The following DAB1 variants were observed in gnomAD, a reference collection of about 807,000 sequenced individuals.
The protein encoded by DAB1 is DAB adaptor protein 1, also known as disabled homolog 1.
A neutral mutation model predicts 64.6 loss-of-function variants in DAB1; 15 were observed. The observed-to-expected ratio is 0.23, with a 90% CI of 0.16 to 0.36. The LOEUF is 0.36. Ranked by LOEUF, DAB1 falls within the 10% of genes least tolerant of loss-of-function variation. The probability of loss-of-function intolerance (pLI) is 1.00; values close to 1 mark genes in which losing one functional copy is unlikely to be tolerated. For missense variants in DAB1, 596 were observed against 706.7 expected (o/e 0.84, Z 1.78); for synonymous variants, 235 against 251.9 (o/e 0.93, Z 0.64).
At chr1:57,179,016 T>A (rs990369550) in intron 2 of DAB1, among the ~76,000 whole-genome samples, 1 of 152,092 alleles carries the variant, frequency 6.6e-6, no homozygotes, top group Non-Finnish European at 1.5e-5. Context: ...GTAAAATGTA[T>A]TTATTTGGGA....
At chr1:57,424,775 C>A (rs907436112), upstream of DAB1, among the ~76,000 whole-genome samples, 4 of 152,218 alleles carry the variant, frequency 2.6e-5, no homozygotes, top group East Asian at 1.9e-4. Context: ...AGGCAAAGTT[C>A]GGCAAGTTGG....
At chr1:57,386,586 C>T (rs140335826) in intron 1 of DAB1, 2 of 152,196 alleles carry the variant, frequency 1.3e-5, no homozygotes, top group East Asian at 3.9e-4. Flanking sequence ...TGGATCAACT[C>T]CTTCACTTTG....
chr1:58,393,120 CTTTTTTTTTTTT>C (rs34546253), intron 3 of DAB1, among the ~76,000 whole-genome samples: 1 of 117,190 alleles, frequency 8.5e-6, no homozygotes, highest in African/African-American at 3.5e-5. Flanking sequence ...ACTTCCAAAT[CTTTTTTTTTTTT>C]TTTTTTTTTT....
At chr1:57,832,698 G>C (rs948262839) in intron 1 of DAB1, among the ~76,000 whole-genome samples, 3 of 152,092 alleles carry the variant, frequency 2.0e-5, no homozygotes, top group Non-Finnish European at 2.9e-5. Flanking sequence ...TTCAATTTCT[G>C]GGGGGGCAAA....
upstream of DAB1, among the ~76,000 whole-genome samples, chr1:57,885,266 T>C (rs1231186825): frequency 6.6e-6 from 1 of 152,218 alleles, no homozygotes. Flanking sequence ...GTAGGTACTA[T>C]TATAATTGTC....
chr1:57,258,627 A>G (rs916669686), intron 2 of DAB1, among the ~76,000 whole-genome samples: 1 of 152,106 alleles, frequency 6.6e-6, no homozygotes, highest in African/African-American at 2.4e-5. Flanking sequence ...ATTATTCTAC[A>G]TTTTTGTACT....
chr1:58,393,517 T>C (rs534243817), intron 3 of DAB1, among the ~76,000 whole-genome samples: 3 of 152,282 alleles, frequency 2.0e-5, no homozygotes, highest in African/African-American at 7.2e-5. Context: ...CTCAGAGAGA[T>C]AATTAACGAA....
At chr1:57,792,082 C>A (rs1650627825) in intron 6 of DAB1, among the ~76,000 whole-genome samples, 1 of 152,186 alleles carries the variant, frequency 6.6e-6, no homozygotes, top group African/African-American at 2.4e-5. Flanking sequence ...GAGGCCCTGA[C>A]AACCCTTCCA....
chr1:57,104,126 T>C (rs896756450), intron 4 of DAB1, among the ~76,000 whole-genome samples: 14 of 152,282 alleles, frequency 9.2e-5, no homozygotes, highest in African/African-American at 3.1e-4. Flanking sequence ...TGCAGACTGG[T>C]ACTGGTCTAC....
At chr1:58,172,296 C>G (rs1385606095) in intron 4 of DAB1, among the ~76,000 whole-genome samples, 1 of 152,188 alleles carries the variant, frequency 6.6e-6, no homozygotes, top group Non-Finnish European at 1.5e-5. Flanking sequence ...AGTGGCATAC[C>G]TAAGTAAGGA....
intron 3 of DAB1, among the ~76,000 whole-genome samples, chr1:58,429,475 G>A (rs1345477028): frequency 1.3e-5 from 2 of 152,210 alleles, no homozygotes; most frequent in Non-Finnish European, 1.5e-5. Context: ...ACAGTGAGAT[G>A]TGCTGGAAGG....
At chr1:58,106,892 T>C (rs74076064) in intron 5 of DAB1, among the ~76,000 whole-genome samples, 35,312 of 138,252 alleles carry the variant, frequency 0.26, 4,989 homozygotes, top group East Asian at 0.52. Context: ...CTCCTTCCCT[T>C]CCTCTCTCCC....
intron 5 of DAB1, among the ~76,000 whole-genome samples, chr1:58,065,220 C>T (rs1170529015): frequency 2.0e-5 from 3 of 152,170 alleles, no homozygotes; most frequent in Non-Finnish European, 4.4e-5. Context: ...GGCAAGATCA[C>T]TGGTTAGCAA....
intron 11 of DAB1, among the ~76,000 whole-genome samples, chr1:57,017,447 T>C (rs984028274): frequency 6.6e-6 from 1 of 152,170 alleles, no homozygotes; most frequent in Non-Finnish European, 1.5e-5. Flanking sequence ...AGAGATCCAA[T>C]GCAGGGTGCC....
At chr1:58,049,000 T>C (rs1367164205) in intron 5 of DAB1, 1 of 806,290 alleles carries the variant, frequency 1.2e-6, no homozygotes, top group Non-Finnish European at 2.2e-6. Context: ...AGTGGGCACC[T>C]GGTCTTTGGG....
At chr1:57,918,553 G>A (rs1422986672) in intron 5 of DAB1, among the ~76,000 whole-genome samples, 2 of 152,146 alleles carry the variant, frequency 1.3e-5, no homozygotes, top group Admixed American at 6.5e-5. Flanking sequence ...AGCCAGGCGC[G>A]GTGGCTCACA....
chr1:58,458,003 T>A (rs1418489312), intron 3 of DAB1, among the ~76,000 whole-genome samples: 6 of 152,222 alleles, frequency 3.9e-5, no homozygotes, highest in Non-Finnish European at 2.9e-5. Flanking sequence ...TACAAGTAAC[T>A]CATTTATGTC....
chr1:58,244,410 C>T (rs1660442673), intron 4 of DAB1, among the ~76,000 whole-genome samples: 1 of 152,142 alleles, frequency 6.6e-6, no homozygotes, highest in Admixed American at 6.5e-5. Flanking sequence ...GCCTCATATT[C>T]CTTATTTGTG....
intron 2 of DAB1, among the ~76,000 whole-genome samples, chr1:57,267,497 A>G (rs1483579424): frequency 6.6e-6 from 1 of 152,206 alleles, no homozygotes; most frequent in African/African-American, 2.4e-5. Context: ...AACCTGTCTT[A>G]TGCCGAAGAA....
Sources: allele counts gnomAD v4.1 joint callset (sites outside exome capture counted in the v4.1 genomes callset), GRCh38; gene constraint gnomAD v4.1.1; transcripts MANE v1.5; gene names NCBI Gene and HGNC (gene_info 2026-07-23, HGNC 2026-07-21).